The following ASB15 variants were observed in gnomAD, a reference collection of about 807,000 sequenced individuals.
The protein encoded by ASB15 is ankyrin repeat and SOCS box containing 15, also known as ankyrin repeat and SOCS box protein 15.
In ASB15, 54 loss-of-function variants were observed where a neutral mutation model predicts 58.0. The ratio of observed to expected loss-of-function variants is 0.93; its 90% CI spans 0.75 to 1.17. ASB15 has a LOEUF of 1.17. Ranked by LOEUF, ASB15 falls within the 50% of genes most tolerant of loss-of-function variation. ASB15 has a pLI of 0.00. For missense variants in ASB15, 680 were observed against 707.4 expected, an observed-to-expected ratio of 0.96 and a Z score of 0.44; for synonymous variants, 249 against 262.4, an observed-to-expected ratio of 0.95 and a Z score of 0.50.
intron 1 of ASB15, among the ~76,000 whole-genome samples, chr7:123,573,199 GTTAATT>G (rs1798963844): frequency 1.3e-5 from 2 of 148,904 alleles, no homozygotes; most frequent in African/African-American, 2.5e-5. Context: ...GCAAGAGTTA[GTTAATT>G]TTATTTTCTA....
chr7:123,620,350 GTC>G (rs906855875), intron 7 of ASB15: 1 of 151,066 alleles, frequency 6.6e-6, no homozygotes, highest in African/African-American at 2.4e-5. Context: ...ACCAATCATA[GTC>G]TCTGCATACA....
intron 1 of ASB15, among the ~76,000 whole-genome samples, chr7:123,569,356 T>C (rs1253697095): frequency 1.3e-5 from 2 of 151,992 alleles, no homozygotes; most frequent in Non-Finnish European, 2.9e-5. Flanking sequence ...CTCAGATACA[T>C]GTAAATAGCA....
At chr7:123,623,930 GAAAAGAAAGAAA>G (rs1445817565) in intron 7 of ASB15, among the ~76,000 whole-genome samples, 2,535 of 35,376 alleles carry the variant, frequency 0.072, 82 homozygotes, top group African/African-American at 0.1. Context: ...AAGAAAGAAA[GAAAAGAAAGAAA>G]GAAAGAAAGA....
chr7:123,574,198 C>CA (rs982954688), intron 1 of ASB15, among the ~76,000 whole-genome samples: 1 of 149,616 alleles, frequency 6.7e-6, no homozygotes, highest in African/African-American at 2.5e-5. Context: ...GTTCCATCTC[C>CA]TTTTTTTTTC....
chr7:123,572,912 TTC>T lies in ASB15; in HGVS notation c.-443+5828_-443+5829del, dbSNP rs1798953995. Among the ~76,000 whole-genome samples, 3 of 152,248 alleles carry T rather than the reference TTC, an allele frequency of 2.0e-5. No individual in the cohort carries two copies. In the South Asian group the frequency reaches 6.2e-4, roughly 32 times the overall value. The stretch of plus-strand genomic sequence containing the variant: ...AATTAATTGTTGACATTTTTCTTTT[TTC>T]TCTTTTTTGTCTTTTTTTGTCCCTG... On this transcript the variant is annotated intron_variant, in intron 1 of 13. Transcript: ENST00000451558.
chr7:123,571,957 A>G (rs1798918539), intron 1 of ASB15, among the ~76,000 whole-genome samples: 1 of 151,522 alleles, frequency 6.6e-6, no homozygotes, highest in African/African-American at 2.4e-5. Flanking sequence ...GTTTTTATAG[A>G]GATGGAGGTC....
At chr7:123,624,514 A>G in intron 7 of ASB15, 55 bp from the exon 8 acceptor site, 1 of 1,505,946 alleles carries the variant, frequency 6.6e-7, no homozygotes, top group Non-Finnish European at 9.2e-7. Flanking sequence ...GTTTAATACC[A>G]CCTAAGGTAT....
At chr7:123,611,480 T>G (rs986969455) in intron 3 of ASB15, among the ~76,000 whole-genome samples, 1 of 151,268 alleles carries the variant, frequency 6.6e-6, no homozygotes, top group African/African-American at 2.4e-5. Context: ...TTTTTTTTAG[T>G]AGAGACGGGG....
At chr7:123,620,507 CATATATATATATATATATAT>C (rs1395766241) in intron 7 of ASB15, among the ~76,000 whole-genome samples, 300 of 29,626 alleles carry the variant, frequency 0.01, 7 homozygotes, top group East Asian at 0.042. Context: ...CATATACATA[CATATATATATATATATATAT>C]ATATATATAT....
At position 123,628,907 on chromosome 7, in the gene ASB15, C is replaced by T. The variant is rs772334400; in HGVS notation, c.913C>T (p.Arg305Trp). The T allele has an allele frequency of 7.0e-6, 11 of 1,572,414 alleles. No individual in the cohort carries two copies. Among genetic ancestry groups the T allele is most frequent in the Non-Finnish European group, 8.6e-6 (10 of 1,161,196 alleles). The change falls in exon 10 of 12, where the codon CGG becomes TGG. Residue 305 changes from arginine (R) to tryptophan (W), a missense_variant. Physicochemically the swap from Arg to Trp is moderately radical, Grantham distance 101. Transcript: ENST00000451215. The part of the protein sequence containing the change: ...LIPVTSKNAI[R>W]KSGLTPIHSA... The stretch of plus-strand genomic sequence containing the variant: ...CCCAGTAACATCTAAAAATGCAATT[C>T]GGAAAAGTGGGCTAACACCAATTCA...
chr7:123,636,158 G>T (rs1337418199), intron 11 of ASB15, among the ~76,000 whole-genome samples: 1 of 152,114 alleles, frequency 6.6e-6, no homozygotes, highest in African/African-American at 2.4e-5. Context: ...TTTAATCCAA[G>T]CTGACCAGGT....
Position 123,624,698 on chromosome 7 carries a change from CTCT to C in ASB15, c.582_584del (p.Leu197del). On this transcript the variant is annotated inframe_deletion, in exon 8 of 12. Transcript: ENST00000451215. ...AAGCAAGGCCGAAAAGATATCGTAG[CTCT>C]GCTGCTGAAACATGGAGGCAATGTC... is the stretch of plus-strand genomic sequence containing the variant. 6.2e-7 allele frequency: 1 copy of C among 1,614,166 alleles called. No homozygotes were observed. Among genetic ancestry groups the C allele is most frequent in the Non-Finnish European group, 8.5e-7 (1 of 1,180,038 alleles).
intron 4 of ASB15, 89 bp from the exon 5 acceptor site, chr7:123,616,132 T>A (rs1253765237): frequency 1.8e-6 from 2 of 1,125,036 alleles, no homozygotes; most frequent in Non-Finnish European, 2.6e-6. Flanking sequence ...TAAAATTAAG[T>A]TTAAAAATGC....
Position 123,629,090 on chromosome 7 carries a change from A to G in ASB15, c.1096A>G (p.Thr366Ala), listed in dbSNP as rs746401462. Residue 366 changes from threonine to alanine, a missense_variant, in exon 10 of 12, where the codon ACA (threonine) becomes GCA (alanine). Thr to Ala is a moderately conservative substitution (Grantham distance 58, BLOSUM62 0). Coordinates refer to ENST00000451215, the MANE Select transcript of ASB15 (RefSeq NM_001290258.2). ...CGTTTCTAATAATGACGTTCATTGC[A>G]CAGAAGTCCTTCTGGCTGCAGGTGC... is the stretch of plus-strand genomic sequence containing the variant. Reference protein sequence around the residue: ...FGVSNNDVHCTEVLLAAGADP... With the variant: ...FGVSNNDVHCAEVLLAAGADP... The G allele has an allele frequency of 1.1e-4, 174 of 1,613,700 alleles. No individual in the cohort carries two copies. The highest frequency in any genetic ancestry group is 1.4e-4 in the Non-Finnish European group (168 of 1,179,736).
chr7:123,614,645 T>C, intron 4 of ASB15, 36 bp downstream of exon 4: 1 of 1,296,070 alleles, frequency 7.7e-7, no homozygotes, highest in South Asian at 1.2e-5. Context: ...GCAAAATTTC[T>C]TTATGGCATT....
At position 123,624,819 on chromosome 7, in the gene ASB15, G is replaced by A; in HGVS notation, c.697+5G>A. The A allele has an allele frequency of 6.2e-7, 1 of 1,612,262 alleles. No homozygotes were observed. The highest frequency in any genetic ancestry group is 1.1e-5 in the South Asian group (1 of 90,768). ...TAGAACATCTAATCCACAAAGGTAT[G>A]TGAAAAGGAGTTACACTTCCTGACT... On this transcript the variant is annotated splice_donor_5th_base_variant and intron_variant, in intron 8 of 11. Transcript: ENST00000451215.
At chr7:123,595,989 CA>C (rs1799680474) in intron 1 of ASB15, among the ~76,000 whole-genome samples, 1 of 152,134 alleles carries the variant, frequency 6.6e-6, no homozygotes. Context: ...ATGGTAATTA[CA>C]TTTTAAATCT....
upstream of ASB15, among the ~76,000 whole-genome samples, chr7:123,598,450 A>G (rs1799769702): frequency 6.6e-6 from 1 of 152,220 alleles, no homozygotes; most frequent in African/African-American, 2.4e-5. Context: ...TCTCTTAGAT[A>G]CACTTGAAAT....
Position 123,624,831 on chromosome 7 carries a change from T to TA in ASB15, c.697+18dup. Reference sequence around the variant, plus strand: ...TCCACAAAGGTATGTGAAAAGGAGTTACACTTCCTGACTTTTGTCCTGCCT... The same window carrying TA: ...TCCACAAAGGTATGTGAAAAGGAGTTAACACTTCCTGACTTTTGTCCTGCCT... On this transcript the variant is annotated intron_variant, in intron 8 of 11. Transcript: ENST00000451215. The TA allele has an allele frequency of 6.2e-7, 1 of 1,608,824 alleles. No homozygotes were observed. The highest frequency in any genetic ancestry group is 8.5e-7 in the Non-Finnish European group (1 of 1,176,888).
Sources: gnomAD v4.1 joint callset for allele counts (sites outside exome capture counted in the v4.1 genomes callset) on GRCh38, gnomAD v4.1.1 for gene constraint, MANE v1.5 for transcripts, NCBI Gene and HGNC (gene_info 2026-07-23, HGNC 2026-07-21) for gene names.